The following SLX4IP variants were observed in gnomAD, a reference collection of about 807,000 sequenced individuals.
The protein encoded by SLX4IP is SLX4 interacting protein.
In SLX4IP, 34 loss-of-function variants were observed where a neutral mutation model predicts 32.9. The observed-to-expected ratio is 1.03, with a 90% confidence interval of 0.79 to 1.38. The LOEUF is 1.38. Among genes scored for constraint, SLX4IP ranks in the 40% most tolerant of loss-of-function variants. The pLI is 0.00. For synonymous variants in SLX4IP, 172 were observed against 171.7 expected (o/e 1.00, Z -0.01); for missense variants, 444 against 479.0 (o/e 0.93, Z 0.68).
chr20:10,602,744 C>T (rs1213573244), intron 6 of SLX4IP, among the ~76,000 whole-genome samples: 2 of 151,958 alleles, frequency 1.3e-5, no homozygotes, highest in African/African-American at 4.8e-5. Flanking sequence ...TTTTTTAATC[C>T]GTATGAAATC....
At chr20:10,564,861 C>A (rs559638128) in intron 4 of SLX4IP, among the ~76,000 whole-genome samples, 2 of 152,300 alleles carry the variant, frequency 1.3e-5, no homozygotes, top group East Asian at 3.9e-4. Flanking sequence ...GTTTTTTCCT[C>A]TTAACCTTGC....
intron 4 of SLX4IP, among the ~76,000 whole-genome samples, chr20:10,586,296 C>T (rs944203233): frequency 1.3e-5 from 2 of 152,202 alleles, no homozygotes; most frequent in Non-Finnish European, 2.9e-5. Context: ...CTGAGAGCTC[C>T]GTTCCAGCAG....
At chr20:10,555,172 A>G (rs968809438) in intron 2 of SLX4IP, among the ~76,000 whole-genome samples, 74 of 151,464 alleles carry the variant, frequency 4.9e-4, no homozygotes, top group African/African-American at 1.6e-3. Flanking sequence ...CTTTCCTTTC[A>G]CTGTTGATAT....
At chr20:10,497,719 A>G (rs542595797) in intron 2 of SLX4IP, among the ~76,000 whole-genome samples, 1 of 151,868 alleles carries the variant, frequency 6.6e-6, no homozygotes, top group Non-Finnish European at 1.5e-5. Context: ...TCCAGAAATT[A>G]TTTTTCTGGT....
intron 2 of SLX4IP, among the ~76,000 whole-genome samples, chr20:10,481,484 C>T (rs1169529642): frequency 6.6e-6 from 1 of 151,982 alleles, no homozygotes; most frequent in Non-Finnish European, 1.5e-5. Context: ...GCTTCAATTT[C>T]CTTGTTTATT....
intron 2 of SLX4IP, among the ~76,000 whole-genome samples, chr20:10,478,232 A>G (rs2065491595): frequency 6.6e-6 from 1 of 152,186 alleles, no homozygotes; most frequent in Admixed American, 6.5e-5. Context: ...TTGTGACAGC[A>G]AAAGAAAGGG....
intron 2 of SLX4IP, among the ~76,000 whole-genome samples, chr20:10,498,439 T>A (rs549443076): frequency 2.0e-4 from 30 of 152,070 alleles, no homozygotes; most frequent in Non-Finnish European, 3.8e-4. Context: ...CTGTGGTATC[T>A]ACCCTGCCTC....
chr20:10,447,456 A>AT (rs564569395), intron 1 of SLX4IP, among the ~76,000 whole-genome samples: 113 of 151,522 alleles, frequency 7.5e-4, no homozygotes, highest in African/African-American at 2.6e-3. Flanking sequence ...TCTCGTATAT[A>AT]TTTTTTTCAT....
intron 4 of SLX4IP, among the ~76,000 whole-genome samples, chr20:10,582,995 A>T (rs1600127916): frequency 6.6e-6 from 1 of 152,152 alleles, no homozygotes; most frequent in East Asian, 1.9e-4. Flanking sequence ...TTTACAAATA[A>T]ATCTTTAAAA....
intron 2 of SLX4IP, among the ~76,000 whole-genome samples, chr20:10,553,929 G>C (rs187104461): frequency 1.3e-5 from 2 of 152,140 alleles, no homozygotes; most frequent in African/African-American, 4.8e-5. Context: ...TTTCAGGGAC[G>C]TAATACCTAC....
At chr20:10,449,369 C>T (rs1203477360) in intron 1 of SLX4IP, among the ~76,000 whole-genome samples, 1 of 152,208 alleles carries the variant, frequency 6.6e-6, no homozygotes, top group African/African-American at 2.4e-5. Context: ...AGGACCACTA[C>T]ACATGTAGCT....
At chr20:10,506,496 C>A (rs1306067300) in intron 2 of SLX4IP, among the ~76,000 whole-genome samples, 1 of 152,122 alleles carries the variant, frequency 6.6e-6, no homozygotes, top group Non-Finnish European at 1.5e-5. Flanking sequence ...GACAGACAGG[C>A]CTTATGTTGT....
intron 2 of SLX4IP, among the ~76,000 whole-genome samples, chr20:10,477,775 A>G (rs1039329620): frequency 6.6e-6 from 1 of 152,182 alleles, no homozygotes; most frequent in Non-Finnish European, 1.5e-5. Flanking sequence ...AATCAAAGAT[A>G]CCAGCTGGGA....
Position 10,623,389 on chromosome 20 carries a change from G to T in SLX4IP, c.*10G>T, listed in dbSNP as rs146240259. On this transcript the variant is annotated 3_prime_UTR_variant, in exon 8 of 8. Coordinates refer to ENST00000334534, the MANE Select transcript of SLX4IP (RefSeq NM_001009608.3). Reference sequence around the variant, plus strand: ...CGAAAGAGGCCATTAACACCGAAGAGGTTTGTACCGTTGGAGTTGAGGACA... The same window carrying T: ...CGAAAGAGGCCATTAACACCGAAGATGTTTGTACCGTTGGAGTTGAGGACA... 1.9e-6 allele frequency: 3 copies of T among 1,596,882 alleles called. No individual in the cohort carries two copies. The highest frequency in any genetic ancestry group is 2.7e-5 in the African/African-American group (2 of 73,986).
At chr20:10,470,685 A>G (rs550131543) in intron 2 of SLX4IP, among the ~76,000 whole-genome samples, 3 of 152,352 alleles carry the variant, frequency 2.0e-5, no homozygotes, top group Admixed American at 6.5e-5. Context: ...ATAGCATTAT[A>G]TAGATTCTGG....
At chr20:10,452,678 A>ATATATATATATATAT (rs1365793671) in intron 1 of SLX4IP, among the ~76,000 whole-genome samples, 3 of 97,788 alleles carry the variant, frequency 3.1e-5, no homozygotes, top group African/African-American at 1.1e-4. Context: ...AAAAAAAAAA[A>ATATATATATATATAT]AAATATATAT....
At chr20:10,622,247 A>T (rs898309754) in intron 7 of SLX4IP, among the ~76,000 whole-genome samples, 2 of 152,110 alleles carry the variant, frequency 1.3e-5, no homozygotes, top group African/African-American at 4.8e-5. Flanking sequence ...ATTCCAGAAG[A>T]TTTTTCTTTA....
At chr20:10,525,067 A>T (rs2065930202) in intron 2 of SLX4IP, among the ~76,000 whole-genome samples, 1 of 152,352 alleles carries the variant, frequency 6.6e-6, no homozygotes, top group African/African-American at 2.4e-5. Context: ...TTCCTAGCAC[A>T]TTATTAAAAA....
At chr20:10,447,920 G>C (rs887526436) in intron 1 of SLX4IP, among the ~76,000 whole-genome samples, 3 of 147,242 alleles carry the variant, frequency 2.0e-5, no homozygotes, top group African/African-American at 7.6e-5. Context: ...GCCTAGGCTG[G>C]TCTCGAACTC....
Sources: allele counts gnomAD v4.1 joint callset (sites outside exome capture counted in the v4.1 genomes callset), GRCh38; gene constraint gnomAD v4.1.1; transcripts MANE v1.5; gene names NCBI Gene and HGNC (gene_info 2026-07-23, HGNC 2026-07-21).